PTK2B: variants seen among roughly 807,000 people sequenced by gnomAD.
PTK2B encodes protein tyrosine kinase 2 beta.
PTK2B carries 71 observed loss-of-function variants against 142.9 expected under a neutral mutation model. The ratio of observed to expected loss-of-function variants is 0.50; its 90% confidence interval spans 0.41 to 0.61. The LOEUF is 0.61. Among genes scored for constraint, PTK2B ranks in the 20% least tolerant of loss-of-function variants. PTK2B has a pLI of 0.00. For missense variants in PTK2B, 1,105 were observed against 1,320.4 expected, an observed-to-expected ratio of 0.84 and a Z score of 2.53; for synonymous variants, 519 against 503.4, an observed-to-expected ratio of 1.03 and a Z score of -0.42.
At chr8:27,437,694 C>T (rs533265352) in intron 17 of PTK2B, 71 bp from the exon 18 acceptor site, 2 of 1,461,754 alleles carry the variant, frequency 1.4e-6, no homozygotes, top group South Asian at 2.4e-5. Flanking sequence ...CAGGGGTTGC[C>T]AGCACCCTGG....
intron 5 of PTK2B, among the ~76,000 whole-genome samples, chr8:27,425,412 TTC>T (rs779969270): frequency 6.6e-6 from 1 of 152,336 alleles, no homozygotes; most frequent in South Asian, 2.1e-4. Context: ...ACTTACTTTT[TTC>T]TCTTTACCCT....
At chr8:27,401,962 T>C (rs1320826658) in intron 2 of PTK2B, among the ~76,000 whole-genome samples, 1 of 152,026 alleles carries the variant, frequency 6.6e-6, no homozygotes, top group East Asian at 1.9e-4. Flanking sequence ...TGATTGCAGC[T>C]AGCACTTTGG....
At chr8:27,383,552 C>A (rs999629337) in intron 1 of PTK2B, among the ~76,000 whole-genome samples, 1 of 152,000 alleles carries the variant, frequency 6.6e-6, no homozygotes, top group African/African-American at 2.4e-5. Context: ...AGCCACCGCG[C>A]CTGGCCTCCT....
chr8:27,435,012 C>CA, intron 13 of PTK2B, among the ~76,000 whole-genome samples: 1 of 152,106 alleles, frequency 6.6e-6, no homozygotes, highest in East Asian at 1.9e-4. Context: ...AAAAAAAAAT[C>CA]ATGAGTAGTA....
chr8:27,438,934 T>G, intron 18 of PTK2B, 97 bp from the exon 19 acceptor site: 1 of 1,163,092 alleles, frequency 8.6e-7, no homozygotes, highest in Non-Finnish European at 1.3e-6. Flanking sequence ...CTGGCTTAGA[T>G]TCTTGGTCTC....
intron 9 of PTK2B, 196 bp from the exon 10 acceptor site, chr8:27,432,064 A>T (rs113958233): frequency 9.7e-6 from 5 of 515,010 alleles, no homozygotes; most frequent in Non-Finnish European, 1.7e-5. Flanking sequence ...TCTTCTTCCA[A>T]TGTGGCCCAG....
intron 1 of PTK2B, among the ~76,000 whole-genome samples, chr8:27,388,804 G>A (rs1225395378): frequency 4.6e-5 from 7 of 152,180 alleles, no homozygotes; most frequent in East Asian, 3.8e-4. Flanking sequence ...ACTTATTCTC[G>A]CTGCCCCTGT....
chr8:27,319,967 T>G (rs746292135), intron 3 of PTK2B, among the ~76,000 whole-genome samples: 2 of 152,122 alleles, frequency 1.3e-5, no homozygotes, highest in Non-Finnish European at 2.9e-5. Context: ...AACAACTGAT[T>G]GCCAGTGAAC....
In PTK2B at chr8:27,422,155, C is replaced by T. The variant is rs113250167; in HGVS notation, c.472-149C>T. 1.3e-3 allele frequency: 881 copies of T among 653,190 alleles called. 5 individuals are homozygous for T. The highest frequency in any genetic ancestry group is 0.013 in the African/African-American group (670 of 52,900). The allele number at this position is 653,190 out of a possible 1,614,324, so 40.5% of individuals were successfully genotyped here. On this transcript the variant is annotated intron_variant, in intron 4 of 30. Transcript: ENST00000346049. ...GGCACAAGCACCCTTTCCCCTCGTGCTCTCCATCCCTGCTCCATGCTTGTT... is the reference window on the plus strand; with the variant it reads ...GGCACAAGCACCCTTTCCCCTCGTGTTCTCCATCCCTGCTCCATGCTTGTT...
intron 1 of PTK2B, among the ~76,000 whole-genome samples, chr8:27,340,035 GC>G (rs1487802449): frequency 6.6e-6 from 1 of 152,222 alleles, no homozygotes; most frequent in Non-Finnish European, 1.5e-5. Context: ...CTTCCTTGAA[GC>G]CATGTTTCCT....
intron 1 of PTK2B, among the ~76,000 whole-genome samples, chr8:27,394,187 G>A (rs1051766669): frequency 1.3e-5 from 2 of 152,122 alleles, no homozygotes; most frequent in African/African-American, 4.8e-5. Flanking sequence ...ATTCTGTCCT[G>A]GTTCCTAGAG....
intron 2 of PTK2B, among the ~76,000 whole-genome samples, chr8:27,406,102 G>A (rs1194529457): frequency 6.6e-6 from 1 of 152,202 alleles, no homozygotes; most frequent in East Asian, 1.9e-4. Flanking sequence ...CCAGCTTCTG[G>A]TAGCTCTAGG....
intron 1 of PTK2B, among the ~76,000 whole-genome samples, chr8:27,342,644 A>C: frequency 6.6e-6 from 1 of 151,310 alleles, no homozygotes; most frequent in Non-Finnish European, 1.5e-5. Context: ...CCCCTGTGTC[A>C]CCTCTGCCAT....
At chr8:27,437,092 C>G in intron 15 of PTK2B, 30 bp from the exon 16 acceptor site, 1 of 1,599,346 alleles carries the variant, frequency 6.3e-7, no homozygotes, top group Non-Finnish European at 8.6e-7. Context: ...TGGGCTGGAC[C>G]AAGGGGTCCT....
chr8:27,352,529 C>T (rs1805159213), intron 1 of PTK2B, among the ~76,000 whole-genome samples: 1 of 152,188 alleles, frequency 6.6e-6, no homozygotes, highest in African/African-American at 2.4e-5. Context: ...GCTATAGAAT[C>T]AGCTATGAAA....
At chr8:27,451,695 C>G (rs915026484) in intron 27 of PTK2B, 186 bp downstream of exon 27, 24 of 1,452,296 alleles carry the variant, frequency 1.7e-5, no homozygotes, top group Middle Eastern at 3.7e-4. Flanking sequence ...CCCCATTCCT[C>G]TCCCTGCCTA....
At chr8:27,451,402 G>T in intron 26 of PTK2B, 83 bp from the exon 27 acceptor site, 1 of 1,591,422 alleles carries the variant, frequency 6.3e-7, no homozygotes, top group South Asian at 1.1e-5. Context: ...ACAGTGGAGG[G>T]ACTGGGGAAT....
intron 1 of PTK2B, among the ~76,000 whole-genome samples, chr8:27,337,840 T>C (rs890679127): frequency 6.6e-6 from 1 of 152,012 alleles, no homozygotes; most frequent in African/African-American, 2.4e-5. Flanking sequence ...ACATACAAGT[T>C]TTTTTGTGGA....
chr8:27,348,886 C>A (rs2130407499), intron 1 of PTK2B, among the ~76,000 whole-genome samples: 1 of 152,252 alleles, frequency 6.6e-6, no homozygotes, highest in East Asian at 1.9e-4. Flanking sequence ...CCATTCCCCG[C>A]TGCCTCTTCC....
Sources: allele counts gnomAD v4.1 joint callset (sites outside exome capture counted in the v4.1 genomes callset), GRCh38; gene constraint gnomAD v4.1.1; transcripts MANE v1.5; gene names NCBI Gene and HGNC (gene_info 2026-07-23, HGNC 2026-07-21).